NFE2L2: variants seen among roughly 807,000 people sequenced by gnomAD.
NFE2L2 encodes the protein NFE2 like bZIP transcription factor 2.
In NFE2L2, 20 loss-of-function variants were observed where a neutral mutation model predicts 49.6. The ratio of observed to expected loss-of-function variants is 0.40; its 90% CI spans 0.28 to 0.59. The LOEUF (loss-of-function observed/expected upper bound fraction) is 0.59. Ranked by LOEUF, NFE2L2 falls within the 20% of genes least tolerant of loss-of-function variation. The pLI is 0.40. For synonymous variants in NFE2L2, 244 were observed against 256.5 expected (o/e 0.95, Z 0.47); for missense variants, 578 against 714.2 (o/e 0.81, Z 2.17).
Position 177,264,541 on chromosome 2 carries a change from C to A in NFE2L2, c.36G>T (p.Pro12=), listed in dbSNP as rs1240037341. Reference sequence around the variant, plus strand: ...AGGGCCGAGGCAGCACCTGCTGGGACGGGAGTCCCGGCGGCGGCAGCTCCA... The same window carrying A: ...AGGGCCGAGGCAGCACCTGCTGGGAAGGGAGTCCCGGCGGCGGCAGCTCCA... ...MDLELPPPGL[P]SQQDMDLIDI... The change falls in exon 1 of 5, where the codon CCG becomes CCT. Residue 12 remains proline, a synonymous_variant. Transcript: ENST00000397062. 6.6e-7 allele frequency: 1 copy of A among 1,522,384 alleles called. No individual in the cohort carries two copies. The highest frequency in any genetic ancestry group is 8.8e-7 in the Non-Finnish European group (1 of 1,133,954). The allele number at this position is 1,522,384 out of a possible 1,614,324, so 94.3% of individuals were successfully genotyped here. A position where few individuals can be genotyped will look rare whatever the true frequency, so the allele number is the denominator to read the frequency against.
chr2:177,263,555 G>A, intron 1 of NFE2L2: 1 of 985,544 alleles, frequency 1.0e-6, no homozygotes, highest in South Asian at 4.7e-5. Context: ...GCGCGGCGAG[G>A]TTTGCACGCT....
chr2:177,240,405 G>A (rs746911408), intron 1 of NFE2L2, among the ~76,000 whole-genome samples: 4 of 152,146 alleles, frequency 2.6e-5, no homozygotes, highest in Non-Finnish European at 4.4e-5. Flanking sequence ...AGGGCCATGC[G>A]AGCACTGGCC....
At chr2:177,236,176 T>C (rs1019648186) in intron 1 of NFE2L2, among the ~76,000 whole-genome samples, 7 of 152,216 alleles carry the variant, frequency 4.6e-5, no homozygotes, top group Non-Finnish European at 7.3e-5. Flanking sequence ...AGGACGCAAA[T>C]AACATGGTGG....
intron 1 of NFE2L2, among the ~76,000 whole-genome samples, chr2:177,247,684 CAAAAAA>C (rs57701650): frequency 3.6e-5 from 2 of 56,336 alleles, no homozygotes. Flanking sequence ...CCCCACCCCG[CAAAAAA>C]AAAAAAAAAA....
chr2:177,234,414 A>G (rs1335300498), intron 1 of NFE2L2, 143 bp from the exon 2 acceptor site: 20 of 976,886 alleles, frequency 2.0e-5, no homozygotes, highest in African/African-American at 8.2e-5. Context: ...CACAGATCCA[A>G]TGTTCTAGAA....
chr2:177,230,419 T>C lies in NFE2L2; in HGVS notation c.*366A>G, dbSNP rs1353277749. 4.2e-6 allele frequency: 1 copy of C among 239,276 alleles called. No individual in the cohort carries two copies. The highest frequency in any genetic ancestry group is 8.2e-6 in the Non-Finnish European group (1 of 122,630). 14.8% of individuals were successfully genotyped at this position (239,276 alleles called of 1,614,324 possible). A position where few individuals can be genotyped will look rare whatever the true frequency, so the allele number is the denominator to read the frequency against. ...CCATTTTTTGTCCATACAGTATTTA[T>C]AAAAAAGTACATAGTGGTTAGTTTT... On this transcript the variant is annotated 3_prime_UTR_variant, in exon 5 of 5. Transcript: ENST00000397062.
chr2:177,263,074 AT>A (rs1240615510), intron 1 of NFE2L2, among the ~76,000 whole-genome samples: 1 of 152,262 alleles, frequency 6.6e-6, no homozygotes, highest in Non-Finnish European at 1.5e-5. Flanking sequence ...TCAAGTACAC[AT>A]TTCCTTGAAT....
chr2:177,263,471 C>A, intron 1 of NFE2L2: 1 of 985,528 alleles, frequency 1.0e-6, no homozygotes, highest in Non-Finnish European at 1.2e-6. Flanking sequence ...ACGCTAAATC[C>A]AAAGACAAAG....
chr2:177,252,199 A>AT (rs979825292), intron 1 of NFE2L2, among the ~76,000 whole-genome samples: 1 of 152,170 alleles, frequency 6.6e-6, no homozygotes, highest in African/African-American at 2.4e-5. Context: ...ATCTAATGAC[A>AT]TAACCTCTCT....
intron 1 of NFE2L2, among the ~76,000 whole-genome samples, chr2:177,249,520 T>A (rs1029037401): frequency 1.3e-5 from 2 of 152,210 alleles, no homozygotes; most frequent in South Asian, 2.1e-4. Context: ...TGATTTTTTT[T>A]AAATAGGCTA....
intron 1 of NFE2L2, chr2:177,263,402 C>T: frequency 4.1e-6 from 4 of 985,486 alleles, no homozygotes; most frequent in Non-Finnish European, 4.8e-6. Flanking sequence ...GCAACTCTTA[C>T]CCTTGACAGC....
At chr2:177,263,107 C>A (rs1690798193) in intron 1 of NFE2L2, among the ~76,000 whole-genome samples, 1 of 152,196 alleles carries the variant, frequency 6.6e-6, no homozygotes, top group Admixed American at 6.5e-5. Context: ...TCCTAAAATT[C>A]ATTTACAAAA....
chr2:177,234,702 T>C (rs1415265334), intron 1 of NFE2L2, among the ~76,000 whole-genome samples: 1 of 152,224 alleles, frequency 6.6e-6, no homozygotes, highest in Non-Finnish European at 1.5e-5. Flanking sequence ...TAAACTTTGC[T>C]CAGCAAATAT....
chr2:177,260,202 C>T (rs867142236), intron 1 of NFE2L2, among the ~76,000 whole-genome samples: 4 of 152,174 alleles, frequency 2.6e-5, no homozygotes, highest in Non-Finnish European at 4.4e-5. Flanking sequence ...ATATACATTT[C>T]TACAGTCAGA....
intron 1 of NFE2L2, among the ~76,000 whole-genome samples, chr2:177,238,969 C>G (rs1286259270): frequency 6.6e-6 from 1 of 152,118 alleles, no homozygotes; most frequent in Non-Finnish European, 1.5e-5. Flanking sequence ...TTTGCATACA[C>G]TCTAATATAA....
At chr2:177,240,231 C>A (rs567116870) in intron 1 of NFE2L2, among the ~76,000 whole-genome samples, 3 of 152,204 alleles carry the variant, frequency 2.0e-5, no homozygotes, top group Non-Finnish European at 4.4e-5. Flanking sequence ...AACTGCTCTT[C>A]TGCACAGAAA....
intron 1 of NFE2L2, among the ~76,000 whole-genome samples, chr2:177,258,019 T>A (rs1690590898): frequency 6.6e-6 from 1 of 152,254 alleles, no homozygotes; most frequent in Non-Finnish European, 1.5e-5. Context: ...CCTCAGAATC[T>A]TTAAAAAATA....
At chr2:177,234,759 G>A (rs911776873) in intron 1 of NFE2L2, among the ~76,000 whole-genome samples, 4 of 152,192 alleles carry the variant, frequency 2.6e-5, no homozygotes, top group Non-Finnish European at 5.9e-5. Context: ...CAATCTAGCA[G>A]TTGTGAAATA....
intron 1 of NFE2L2, chr2:177,263,863 C>T: frequency 1.0e-6 from 1 of 985,544 alleles, no homozygotes; most frequent in Non-Finnish European, 1.2e-6. Flanking sequence ...ACTTAAGGCG[C>T]TCCTCCCTCG....
Sources: allele counts gnomAD v4.1 joint callset (sites outside exome capture counted in the v4.1 genomes callset), GRCh38; gene constraint gnomAD v4.1.1; transcripts MANE v1.5; gene names NCBI Gene and HGNC (gene_info 2026-07-23, HGNC 2026-07-21).